The following GPC5 variants were observed in gnomAD, a reference collection of about 807,000 sequenced individuals.
GPC5 encodes glypican 5.
GPC5 carries 47 observed loss-of-function variants against 53.9 expected under a neutral mutation model. The ratio of observed to expected loss-of-function variants is 0.87; its 90% CI spans 0.69 to 1.11. The LOEUF (loss-of-function observed/expected upper bound fraction) is 1.11. Ranked by LOEUF, GPC5 falls within the 50% of genes most tolerant of loss-of-function variation. GPC5 has a pLI of 0.00. For synonymous variants in GPC5, 286 were observed against 263.3 expected (o/e 1.09, Z -0.84); for missense variants, 748 against 713.1 (o/e 1.05, Z -0.56).
chr13:91,989,389 C>T (rs1286937634), intron 6 of GPC5, among the ~76,000 whole-genome samples: 1 of 152,110 alleles, frequency 6.6e-6, no homozygotes, highest in Non-Finnish European at 1.5e-5. Context: ...ATGTTGTAAT[C>T]AAAAGAAGAA....
intron 6 of GPC5, among the ~76,000 whole-genome samples, chr13:91,927,117 T>G (rs2039776913): frequency 6.6e-6 from 1 of 152,218 alleles, no homozygotes; most frequent in Non-Finnish European, 1.5e-5. Flanking sequence ...TGATTTATTC[T>G]AATGAATTAT....
intron 7 of GPC5, among the ~76,000 whole-genome samples, chr13:92,281,793 G>T (rs533351904): frequency 2.3e-4 from 35 of 152,278 alleles, no homozygotes; most frequent in African/African-American, 8.2e-4. Flanking sequence ...CGCAAAGATG[G>T]GGAGAAAACA....
intron 7 of GPC5, among the ~76,000 whole-genome samples, chr13:92,546,191 A>G (rs1882103001): frequency 6.6e-6 from 1 of 152,150 alleles, no homozygotes; most frequent in African/African-American, 2.4e-5. Flanking sequence ...GAAGGAAATA[A>G]AGGGTATTCA....
intron 6 of GPC5, among the ~76,000 whole-genome samples, chr13:91,910,375 C>A (rs1240091852): frequency 6.6e-6 from 1 of 152,128 alleles, no homozygotes; most frequent in Non-Finnish European, 1.5e-5. Context: ...AGGAGTAGGG[C>A]CATGGAAGAC....
intron 7 of GPC5, among the ~76,000 whole-genome samples, chr13:92,437,319 T>A (rs1313724921): frequency 2.0e-5 from 3 of 152,168 alleles, no homozygotes; most frequent in African/African-American, 7.2e-5. Flanking sequence ...TATTTAGTTT[T>A]TTGATTTATG....
At chr13:92,761,121 G>A (rs550747836) in intron 7 of GPC5, among the ~76,000 whole-genome samples, 1 of 152,218 alleles carries the variant, frequency 6.6e-6, no homozygotes, top group Non-Finnish European at 1.5e-5. Flanking sequence ...TATCTTGCTG[G>A]AAAGTTCTAT....
intron 2 of GPC5, among the ~76,000 whole-genome samples, chr13:91,591,135 C>T (rs761927415): frequency 4.6e-5 from 7 of 152,192 alleles, no homozygotes; most frequent in African/African-American, 1.2e-4. Flanking sequence ...GTTAAAGACA[C>T]ATGTTCTTTC....
chr13:92,842,698 AC>A (rs1878471978), intron 7 of GPC5, among the ~76,000 whole-genome samples: 1 of 149,562 alleles, frequency 6.7e-6, no homozygotes, highest in South Asian at 2.1e-4. Context: ...ATTAAGGTTT[AC>A]TGTGAATTAG....
chr13:92,340,877 G>C (rs898155860), intron 7 of GPC5, among the ~76,000 whole-genome samples: 1 of 152,068 alleles, frequency 6.6e-6, no homozygotes, highest in African/African-American at 2.4e-5. Context: ...ATAGCATTTA[G>C]TGTCATCGGA....
intron 7 of GPC5, among the ~76,000 whole-genome samples, chr13:92,169,565 T>C (rs2042054763): frequency 6.6e-6 from 1 of 152,226 alleles, no homozygotes; most frequent in Admixed American, 6.5e-5. Flanking sequence ...ACTTGGATAC[T>C]ACAAATCTTT....
intron 5 of GPC5, among the ~76,000 whole-genome samples, chr13:91,803,712 C>G (rs2038172030): frequency 6.7e-6 from 1 of 149,950 alleles, no homozygotes; most frequent in Non-Finnish European, 1.5e-5. Flanking sequence ...AATTAAATTT[C>G]CTAAAATTGT....
At chr13:91,689,693 C>T (rs575695658) in intron 2 of GPC5, among the ~76,000 whole-genome samples, 1 of 151,756 alleles carries the variant, frequency 6.6e-6, no homozygotes, top group Non-Finnish European at 1.5e-5. Context: ...CCTAGGCCTA[C>T]ACAGGGTCAG....
chr13:91,442,504 T>G (rs934392546), intron 1 of GPC5, among the ~76,000 whole-genome samples: 2 of 152,254 alleles, frequency 1.3e-5, no homozygotes, highest in Non-Finnish European at 2.9e-5. Context: ...AACTTTATTT[T>G]GTATAACTCT....
chr13:91,499,255 G>A (rs1186135508), intron 2 of GPC5, among the ~76,000 whole-genome samples: 1 of 152,148 alleles, frequency 6.6e-6, no homozygotes, highest in Non-Finnish European at 1.5e-5. Context: ...CAGGTTTGGT[G>A]TGGTTCAGTT....
chr13:91,658,529 T>A (rs952667243), intron 2 of GPC5, among the ~76,000 whole-genome samples: 1 of 152,204 alleles, frequency 6.6e-6, no homozygotes, highest in African/African-American at 2.4e-5. Flanking sequence ...AAATTGACCT[T>A]TCTTGTTTAA....
At chr13:91,523,201 A>G (rs989572690) in intron 2 of GPC5, among the ~76,000 whole-genome samples, 5 of 152,206 alleles carry the variant, frequency 3.3e-5, no homozygotes, top group Admixed American at 6.5e-5. Flanking sequence ...CCAAAAATTA[A>G]AAATAGAACT....
In GPC5 at chr13:92,191,344, A is replaced by G. The variant is rs541470779; in HGVS notation, c.1561+46355A>G. 3.9e-5 allele frequency among the ~76,000 whole-genome samples: 6 copies of G among 152,276 alleles called. No individual in the cohort carries two copies. In the East Asian group the frequency reaches 1.2e-3, roughly 29 times the overall value. ...AAATGAGATATCATTACTCATCTAT[A>G]AAAATGGCCAAAATTCACAACACTG... On this transcript the variant is annotated intron_variant, in intron 7 of 7. Coordinates refer to ENST00000377067, the MANE Select transcript of GPC5 (RefSeq NM_004466.6).
At chr13:91,667,414 T>C (rs1456333503) in intron 2 of GPC5, among the ~76,000 whole-genome samples, 3 of 152,148 alleles carry the variant, frequency 2.0e-5, no homozygotes, top group African/African-American at 4.8e-5. Flanking sequence ...AAAACTATAG[T>C]AGTTTTGTAA....
intron 7 of GPC5, among the ~76,000 whole-genome samples, chr13:92,275,916 A>G (rs2042872002): frequency 6.6e-6 from 1 of 152,148 alleles, no homozygotes; most frequent in African/African-American, 2.4e-5. Context: ...GTAATAGCCC[A>G]CCATATGCAA....
Sources: allele counts gnomAD v4.1 joint callset (sites outside exome capture counted in the v4.1 genomes callset), GRCh38; gene constraint gnomAD v4.1.1; transcripts MANE v1.5; gene names NCBI Gene and HGNC (gene_info 2026-07-23, HGNC 2026-07-21).